CTNNBL1: variants seen among roughly 807,000 people sequenced by gnomAD.
CTNNBL1 encodes the protein beta-catenin-like protein 1.
CTNNBL1 carries 31 observed loss-of-function variants against 72.7 expected under a neutral mutation model. That is an observed-to-expected ratio of 0.43 (90% CI 0.32 to 0.58). The LOEUF is 0.58. Among genes scored for constraint, CTNNBL1 ranks in the 20% least tolerant of loss-of-function variants. CTNNBL1 has a pLI of 0.08. For synonymous variants in CTNNBL1, 240 were observed against 267.3 expected (o/e 0.90, Z 1.00); for missense variants, 534 against 725.1 (o/e 0.74, Z 3.03).
chr20:37,795,923 G>A (rs1047463705), intron 10 of CTNNBL1, among the ~76,000 whole-genome samples: 20 of 118,862 alleles, frequency 1.7e-4, no homozygotes, highest in Non-Finnish European at 2.9e-4. Context: ...TTTTTTTTTG[G>A]AAGGGTATTT....
At position 37,809,808 on chromosome 20, in the gene CTNNBL1, CAT is replaced by C. The variant is rs35258269; in HGVS notation, c.1213+6762_1213+6763del. 2.1e-4 allele frequency among the ~76,000 whole-genome samples: 32 copies of C among 152,310 alleles called. 2 individuals are homozygous for C. Among genetic ancestry groups the C allele is most frequent in the African/African-American group, 7.5e-4 (31 of 41,572 alleles). On this transcript the variant is annotated intron_variant, in intron 11 of 15. Transcript: ENST00000361383. ...GTTGTTTGGCATTTGTACTGCCTAT[CAT>C]AGTGCTTGGTGCATGGTAGGTGCTC...
intron 11 of CTNNBL1, among the ~76,000 whole-genome samples, chr20:37,807,253 T>C (rs1342704080): frequency 6.6e-6 from 1 of 152,150 alleles, no homozygotes; most frequent in African/African-American, 2.4e-5. Flanking sequence ...TCAGATGAGA[T>C]GACATGTAGA....
chr20:37,852,964 T>C (rs1017372959), intron 13 of CTNNBL1, among the ~76,000 whole-genome samples: 2 of 152,226 alleles, frequency 1.3e-5, no homozygotes, highest in African/African-American at 4.8e-5. Context: ...TGTTCCACCT[T>C]GGCAGAGGAA....
intron 3 of CTNNBL1, among the ~76,000 whole-genome samples, chr20:37,739,326 C>CT (rs1490170908): frequency 6.6e-6 from 1 of 151,968 alleles, no homozygotes; most frequent in Non-Finnish European, 1.5e-5. Context: ...TTTGGGTCAT[C>CT]TAACAGATCT....
chr20:37,701,809 G>A (rs1048570309), intron 1 of CTNNBL1, among the ~76,000 whole-genome samples: 1 of 151,888 alleles, frequency 6.6e-6, no homozygotes, highest in Non-Finnish European at 1.5e-5. Context: ...GTAATACATC[G>A]TACGCTCATC....
chr20:37,697,376 A>G (rs1025387767), intron 1 of CTNNBL1, among the ~76,000 whole-genome samples: 4 of 152,160 alleles, frequency 2.6e-5, no homozygotes, highest in African/African-American at 9.7e-5. Context: ...AGAGGGACCC[A>G]GTCATGTGAA....
chr20:37,742,638 G>T (rs187345306), intron 3 of CTNNBL1, among the ~76,000 whole-genome samples: 4 of 152,182 alleles, frequency 2.6e-5, no homozygotes, highest in Admixed American at 1.3e-4. Context: ...GATTCTGTCA[G>T]CTGCTGTGCT....
rs530754040 is a variant in CTNNBL1, at chr20:37,852,722, T to C, written c.1393-7177T>C. On this transcript the variant is annotated intron_variant, in intron 13 of 15. Coordinates refer to ENST00000361383, the MANE Select transcript of CTNNBL1 (RefSeq NM_030877.5). ...GGCATTGCTAGTGATTTCAGGGCTG[T>C]TTCCCACTGAGCTTCGCCTCGGCTT... 2.6e-5 allele frequency among the ~76,000 whole-genome samples: 4 copies of C among 152,330 alleles called. No individual in the cohort carries two copies. In the South Asian group the frequency reaches 8.3e-4, roughly 32 times the overall value.
chr20:37,704,026 C>T (rs906134620), intron 1 of CTNNBL1, among the ~76,000 whole-genome samples: 1 of 152,148 alleles, frequency 6.6e-6, no homozygotes, highest in Non-Finnish European at 1.5e-5. Flanking sequence ...ATCCACCTGT[C>T]TCGACCTCCC....
chr20:37,782,074 A>G (rs945343726), intron 10 of CTNNBL1, among the ~76,000 whole-genome samples: 2 of 152,158 alleles, frequency 1.3e-5, no homozygotes, highest in African/African-American at 2.4e-5. Flanking sequence ...AAACTATATA[A>G]AGTATCTAGG....
rs2072590763 is a variant in CTNNBL1, at chr20:37,872,075, A to G, written c.*62A>G. The G allele has an allele frequency of 7.1e-7, 1 of 1,403,474 alleles. No individual in the cohort carries two copies. Among genetic ancestry groups the G allele is most frequent in the Admixed American group, 1.7e-5 (1 of 59,436 alleles). The allele number at this position is 1,403,474 out of a possible 1,614,324, so 86.9% of individuals were successfully genotyped here. On this transcript the variant is annotated 3_prime_UTR_variant, in exon 16 of 16. Transcript: ENST00000361383. ...CTTCCCTCCCAGGATCAGTTTCTAC[A>G]CAACTCTGTGTGGCTTTTGGACAAA...
chr20:37,837,890 A>G (rs1307619640), intron 11 of CTNNBL1, among the ~76,000 whole-genome samples: 1 of 151,410 alleles, frequency 6.6e-6, no homozygotes, highest in Non-Finnish European at 1.5e-5. Context: ...GGGAATTTGT[A>G]TTCTAATTGA....
intron 7 of CTNNBL1, among the ~76,000 whole-genome samples, chr20:37,772,136 AT>A (rs1202530018): frequency 6.6e-6 from 1 of 151,980 alleles, no homozygotes; most frequent in Non-Finnish European, 1.5e-5. Context: ...ATGTGTGCTG[AT>A]TTTCTTTCTC....
At chr20:37,850,017 A>C (rs1016600276) in intron 13 of CTNNBL1, among the ~76,000 whole-genome samples, 10 of 152,240 alleles carry the variant, frequency 6.6e-5, no homozygotes, top group Admixed American at 5.9e-4. Flanking sequence ...CTGCATGCTT[A>C]TCTGTCTCTC....
At chr20:37,823,776 C>T (rs1288625443) in intron 11 of CTNNBL1, among the ~76,000 whole-genome samples, 2 of 152,060 alleles carry the variant, frequency 1.3e-5, no homozygotes, top group Admixed American at 1.3e-4. Flanking sequence ...GATGCTTGGA[C>T]AGTGGGGAAA....
intron 1 of CTNNBL1, chr20:37,695,134 T>C (rs1181196856): frequency 6.6e-6 from 1 of 151,454 alleles, no homozygotes; most frequent in Non-Finnish European, 1.5e-5. Flanking sequence ...ACATTGGTTA[T>C]TGGTCATATT....
At chr20:37,792,527 C>G (rs1173548340) in intron 10 of CTNNBL1, among the ~76,000 whole-genome samples, 9 of 152,118 alleles carry the variant, frequency 5.9e-5, no homozygotes, top group Admixed American at 5.2e-4. Flanking sequence ...ATTTGCTATT[C>G]TTTTTCCTAC....
chr20:37,706,032 G>A (rs771519191), intron 1 of CTNNBL1, among the ~76,000 whole-genome samples: 8 of 152,210 alleles, frequency 5.3e-5, no homozygotes, highest in Non-Finnish European at 1.0e-4. Context: ...CTATACTGCA[G>A]CCTAATAAGT....
intron 10 of CTNNBL1, among the ~76,000 whole-genome samples, chr20:37,784,070 T>A (rs143728368): frequency 6.6e-6 from 1 of 152,348 alleles, no homozygotes; most frequent in East Asian, 1.9e-4. Context: ...TATATTCTTT[T>A]GCTGAATGGG....
Sources: allele counts gnomAD v4.1 joint callset (sites outside exome capture counted in the v4.1 genomes callset), GRCh38; gene constraint gnomAD v4.1.1; transcripts MANE v1.5; gene names NCBI Gene and HGNC (gene_info 2026-07-23, HGNC 2026-07-21).